Variants in NRG1 observed in about 807,000 individuals in gnomAD.
The protein encoded by NRG1 is pro-neuregulin-1, membrane-bound isoform.
Under a neutral mutation model 63.8 loss-of-function variants are expected in NRG1, and 18 were observed. That is an observed-to-expected ratio of 0.28 (90% CI 0.19 to 0.42). The LOEUF is 0.42. NRG1 is among the 10% of genes least tolerant of loss of function. The probability of loss-of-function intolerance (pLI) is 1.00; values close to 1 mark genes in which losing one functional copy is unlikely to be tolerated. For synonymous variants in NRG1, 302 were observed against 301.3 expected (o/e 1.00, Z -0.02); for missense variants, 762 against 814.7 (o/e 0.94, Z 0.79).
At chr8:32,323,455 C>T (rs1041447915) in intron 1 of NRG1, among the ~76,000 whole-genome samples, 1 of 152,178 alleles carries the variant, frequency 6.6e-6, no homozygotes, top group Non-Finnish European at 1.5e-5. Context: ...AAAAGGCAGG[C>T]ATAGCATGCA....
chr8:32,708,029 A>G (rs1816867291), intron 5 of NRG1, among the ~76,000 whole-genome samples: 1 of 152,072 alleles, frequency 6.6e-6, no homozygotes, highest in African/African-American at 2.4e-5. Context: ...ACAAAATAAT[A>G]GTGGCAGTAT....
chr8:31,926,793 A>C (rs1284946320), intron 1 of NRG1, among the ~76,000 whole-genome samples: 1 of 152,082 alleles, frequency 6.6e-6, no homozygotes, highest in East Asian at 1.9e-4. Flanking sequence ...GCCAAGAAGA[A>C]GACTCTCATC....
At chr8:32,292,515 TCTC>T (rs1854323402) in intron 1 of NRG1, among the ~76,000 whole-genome samples, 1 of 152,204 alleles carries the variant, frequency 6.6e-6, no homozygotes, top group Non-Finnish European at 1.5e-5. Flanking sequence ...GCATGGCAAT[TCTC>T]CTCCTCTTCT....
chr8:32,302,275 C>T (rs1169264068), intron 1 of NRG1, among the ~76,000 whole-genome samples: 1 of 152,142 alleles, frequency 6.6e-6, no homozygotes, highest in East Asian at 1.9e-4. Flanking sequence ...TCAGAGCAGC[C>T]AGGGAATCCT....
intron 1 of NRG1, among the ~76,000 whole-genome samples, chr8:32,417,627 C>T (rs1240003253): frequency 1.3e-5 from 2 of 151,396 alleles, no homozygotes; most frequent in East Asian, 2.0e-4. Flanking sequence ...ACACATCTCT[C>T]CATTTGATAT....
chr8:32,563,577 A>T (rs1468281246), intron 1 of NRG1, among the ~76,000 whole-genome samples: 1 of 152,194 alleles, frequency 6.6e-6, no homozygotes, highest in African/African-American at 2.4e-5. Flanking sequence ...TCTCATGAGT[A>T]TGTGATACAA....
intron 7 of NRG1, among the ~76,000 whole-genome samples, chr8:32,754,090 T>C (rs1330012208): frequency 6.6e-6 from 1 of 152,232 alleles, no homozygotes; most frequent in African/African-American, 2.4e-5. Context: ...TGATTTCCAA[T>C]TTACTATCAA....
intron 1 of NRG1, among the ~76,000 whole-genome samples, chr8:31,799,941 A>G (rs1586502239): frequency 6.6e-6 from 1 of 152,158 alleles, no homozygotes; most frequent in East Asian, 1.9e-4. Context: ...TCTTGCCTGT[A>G]TTATGTATAG....
intron 1 of NRG1, among the ~76,000 whole-genome samples, chr8:32,272,026 A>G (rs543647103): frequency 6.6e-6 from 1 of 152,292 alleles, no homozygotes; most frequent in African/African-American, 2.4e-5. Flanking sequence ...TCATTTATTT[A>G]CTCACTCAGG....
In NRG1 at chr8:32,261,785, T is replaced by G. The variant is rs187534874; in HGVS notation, c.38-334043T>G. On this transcript the variant is annotated intron_variant, in intron 1 of 10. Transcript: ENST00000519301. ...TCTATACCCTAATTTGGGACTTATATCTGAGTGTTAATATATGCATGTAAT... is the reference window on the plus strand; with the variant it reads ...TCTATACCCTAATTTGGGACTTATAGCTGAGTGTTAATATATGCATGTAAT... Among the ~76,000 whole-genome samples the G allele has an allele frequency of 3.3e-5, 5 of 152,342 alleles. No homozygotes were observed. In the East Asian group the frequency reaches 9.6e-4, roughly 29 times the overall value.
intron 1 of NRG1, among the ~76,000 whole-genome samples, chr8:32,174,216 T>G (rs1840418114): frequency 6.6e-6 from 1 of 152,126 alleles, no homozygotes; most frequent in Admixed American, 6.5e-5. Context: ...ACAAGGAAAC[T>G]GAACAACCTG....
chr8:32,761,313 C>T (rs917972457), intron 11 of NRG1, among the ~76,000 whole-genome samples: 4 of 152,042 alleles, frequency 2.6e-5, no homozygotes, highest in Non-Finnish European at 2.9e-5. Flanking sequence ...AATCTTTGAC[C>T]ATTTACTAAA....
chr8:32,015,259 T>C (rs1815335568), intron 1 of NRG1, among the ~76,000 whole-genome samples: 1 of 152,072 alleles, frequency 6.6e-6, no homozygotes, highest in Admixed American at 6.6e-5. Context: ...AATGGCTAAA[T>C]AGTGTAGTAG....
Position 31,963,083 on chromosome 8 carries a change from T to G in NRG1, c.37+323652T>G, listed in dbSNP as rs1805732447. Among the ~76,000 whole-genome samples the G allele has an allele frequency of 2.0e-5, 3 of 152,234 alleles. No homozygotes were observed. In the South Asian group the frequency reaches 6.2e-4, roughly 32 times the overall value. ...GGATGTTCTAGATCTCCATTGAATG[T>G]GCTCACTGAGATTTGTCTTTGTCGT... On this transcript the variant is annotated intron_variant, in intron 1 of 10. Coordinates refer to the NRG1 transcript ENST00000519301.
At chr8:32,187,693 G>A (rs1842097000) in intron 1 of NRG1, among the ~76,000 whole-genome samples, 1 of 152,142 alleles carries the variant, frequency 6.6e-6, no homozygotes, top group East Asian at 1.9e-4. Flanking sequence ...GCTTTTCTGG[G>A]GGAGCAGAGG....
At chr8:32,141,592 G>GCATATATA (rs1836274149) in intron 1 of NRG1, among the ~76,000 whole-genome samples, 1 of 71,790 alleles carries the variant, frequency 1.4e-5, no homozygotes, top group Non-Finnish European at 2.8e-5. Context: ...ATGTGTGTGG[G>GCATATATA]TATATATATA....
intron 1 of NRG1, among the ~76,000 whole-genome samples, chr8:31,937,520 C>A (rs907634213): frequency 2.0e-5 from 3 of 151,904 alleles, no homozygotes; most frequent in African/African-American, 7.3e-5. Flanking sequence ...ATCCACAGAC[C>A]CTTTGAGGGA....
intron 7 of NRG1, among the ~76,000 whole-genome samples, chr8:32,773,579 G>A (rs1487534299): frequency 6.6e-6 from 1 of 152,114 alleles, no homozygotes; most frequent in East Asian, 1.9e-4. Flanking sequence ...TTGTACCACT[G>A]ACAGGTCACA....
At chr8:32,376,729 A>G (rs758684789) in intron 1 of NRG1, among the ~76,000 whole-genome samples, 2 of 152,198 alleles carry the variant, frequency 1.3e-5, no homozygotes, top group Non-Finnish European at 2.9e-5. Flanking sequence ...TCTGTCCCTG[A>G]GGCCCTGAAA....
Sources: allele counts gnomAD v4.1 joint callset (sites outside exome capture counted in the v4.1 genomes callset), GRCh38; gene constraint gnomAD v4.1.1; transcripts MANE v1.5; gene names NCBI Gene and HGNC (gene_info 2026-07-23, HGNC 2026-07-21).